Variants in RBFOX3 observed in about 807,000 individuals in gnomAD.
RBFOX3 encodes RNA binding fox-1 homolog 3.
A neutral mutation model predicts 48.7 loss-of-function variants in RBFOX3; 17 were observed. The ratio of observed to expected loss-of-function variants is 0.35; its 90% confidence interval spans 0.24 to 0.52. The LOEUF is 0.52. Among genes scored for constraint, RBFOX3 ranks in the 20% least tolerant of loss-of-function variants. The probability of loss-of-function intolerance (pLI) is 0.94; values close to 1 mark genes in which losing one functional copy is unlikely to be tolerated. For missense variants in RBFOX3, 382 were observed against 497.5 expected, an observed-to-expected ratio of 0.77 and a Z score of 2.21; for synonymous variants, 212 against 209.5, an observed-to-expected ratio of 1.01 and a Z score of -0.10.
intron 2 of RBFOX3, among the ~76,000 whole-genome samples, chr17:79,355,162 A>T (rs939814033): frequency 2.0e-5 from 3 of 152,142 alleles, no homozygotes; most frequent in Non-Finnish European, 4.4e-5. Flanking sequence ...AACATTTAAC[A>T]CGGGGTTCGG....
chr17:79,528,325 A>T (rs2087107198), intron 1 of RBFOX3, among the ~76,000 whole-genome samples: 1 of 145,348 alleles, frequency 6.9e-6, no homozygotes, highest in Admixed American at 6.6e-5. Flanking sequence ...TGAAACCCTG[A>T]GGTACCTCTG....
chr17:79,558,600 C>A (rs990974304), intron 1 of RBFOX3, among the ~76,000 whole-genome samples: 3 of 152,110 alleles, frequency 2.0e-5, no homozygotes, highest in African/African-American at 7.2e-5. Flanking sequence ...CCCTCCCGGC[C>A]GGGCTCCATG....
intron 5 of RBFOX3, among the ~76,000 whole-genome samples, chr17:79,112,918 G>GGGGGGGGGGGGGGGGC (rs2032478069): frequency 1.2e-5 from 1 of 86,484 alleles, no homozygotes; most frequent in Non-Finnish European, 2.3e-5. Context: ...GGGGGGGTGG[G>GGGGGGGGGGGGGGGGC]CTGGGTAGGA....
At chr17:79,365,618 AAT>A (rs1425767812) in intron 2 of RBFOX3, among the ~76,000 whole-genome samples, 1 of 152,224 alleles carries the variant, frequency 6.6e-6, no homozygotes, top group Non-Finnish European at 1.5e-5. Flanking sequence ...GCTTTAACGG[AAT>A]ATGTTTCCCA....
chr17:79,516,706 C>A (rs987576523), intron 1 of RBFOX3, among the ~76,000 whole-genome samples: 127 of 152,316 alleles, frequency 8.3e-4, no homozygotes, highest in Non-Finnish European at 4.9e-4. Context: ...GGGGCCTCCC[C>A]AGGTGTGCCC....
intron 2 of RBFOX3, among the ~76,000 whole-genome samples, chr17:79,333,089 GAC>G (rs2080651463): frequency 6.9e-6 from 1 of 145,838 alleles, no homozygotes; most frequent in African/African-American, 2.4e-5. Context: ...CAAAGAGACA[GAC>G]ACAGAGAAAA....
chr17:79,437,694 A>G (rs374351731), intron 2 of RBFOX3, among the ~76,000 whole-genome samples: 1 of 152,152 alleles, frequency 6.6e-6, no homozygotes, highest in South Asian at 2.1e-4. Flanking sequence ...CCCATTCCCA[A>G]ATGCCAGGCT....
At chr17:79,098,627 G>T (rs1434552419) in intron 9 of RBFOX3, 1 of 152,262 alleles carries the variant, frequency 6.6e-6, no homozygotes, top group Non-Finnish European at 1.5e-5. Context: ...GAACCCAGGA[G>T]CAGAGCAAAG....
chr17:79,589,100 T>C (rs2093343855), intron 1 of RBFOX3, among the ~76,000 whole-genome samples: 1 of 152,160 alleles, frequency 6.6e-6, no homozygotes, highest in African/African-American at 2.4e-5. Context: ...GGCATAGCAG[T>C]GCTCAAGGGT....
At chr17:79,614,031 G>C (rs1010354159), upstream of RBFOX3, among the ~76,000 whole-genome samples, 5 of 152,238 alleles carry the variant, frequency 3.3e-5, no homozygotes, top group African/African-American at 1.2e-4. Context: ...GAGAATAGGA[G>C]AAAAGAGAAC....
In RBFOX3 at chr17:79,584,998, C is replaced by T. The variant is rs955198580; in HGVS notation, c.-320+25828G>A. The stretch of plus-strand genomic sequence containing the variant: ...GCCAGGATGTTCTCGATCTCCTGAC[C>T]TCGTGATCCGCCCGCCTCAGCCTCC... On this transcript the variant is annotated intron_variant, in intron 1 of 14. Coordinates refer to ENST00000693108, the MANE Select transcript of RBFOX3 (RefSeq NM_001350451.2). Among the ~76,000 whole-genome samples, 797 of 152,064 alleles carry T rather than the reference C, an allele frequency of 5.2e-3. 4 individuals carry two copies. The highest frequency in any genetic ancestry group is 9.2e-3 in the Non-Finnish European group (625 of 68,000).
intron 1 of RBFOX3, among the ~76,000 whole-genome samples, chr17:79,547,682 C>T (rs2090633840): frequency 6.6e-6 from 1 of 152,182 alleles, no homozygotes; most frequent in Non-Finnish European, 1.5e-5. Flanking sequence ...ACAGCATGTA[C>T]CACACCCAGT....
At chr17:79,136,639 C>A (rs2040269877) in intron 4 of RBFOX3, among the ~76,000 whole-genome samples, 1 of 152,166 alleles carries the variant, frequency 6.6e-6, no homozygotes, top group African/African-American at 2.4e-5. Context: ...CGTAGCACTG[C>A]CAGAAGATGG....
At chr17:79,316,898 G>A (rs1389289818) in intron 2 of RBFOX3, among the ~76,000 whole-genome samples, 1 of 152,176 alleles carries the variant, frequency 6.6e-6, no homozygotes, top group African/African-American at 2.4e-5. Context: ...GGCAGCCCTA[G>A]CTTCCAACTG....
chr17:79,499,489 C>T (rs2082100055), intron 1 of RBFOX3, among the ~76,000 whole-genome samples: 2 of 152,232 alleles, frequency 1.3e-5, no homozygotes, highest in Admixed American at 6.5e-5. Flanking sequence ...TTCATTCATC[C>T]ACAAAGAAAC....
At chr17:79,437,336 G>A (rs576400675) in intron 2 of RBFOX3, among the ~76,000 whole-genome samples, 9 of 152,312 alleles carry the variant, frequency 5.9e-5, no homozygotes, top group African/African-American at 1.9e-4. Context: ...GGGTCCCCCT[G>A]CCCACCCGCT....
chr17:79,179,106 T>C (rs1008312165), intron 4 of RBFOX3, among the ~76,000 whole-genome samples: 4 of 152,154 alleles, frequency 2.6e-5, no homozygotes, highest in African/African-American at 7.2e-5. Context: ...AAACGCAAGG[T>C]GCAAGGGGTG....
At chr17:79,261,710 C>T (rs2065811451) in intron 3 of RBFOX3, among the ~76,000 whole-genome samples, 2 of 152,194 alleles carry the variant, frequency 1.3e-5, no homozygotes, top group Non-Finnish European at 2.9e-5. Context: ...GCGGCAGGAC[C>T]CTCCCTATCC....
intron 2 of RBFOX3, among the ~76,000 whole-genome samples, chr17:79,323,858 T>C (rs1401348200): frequency 3.3e-5 from 5 of 152,194 alleles, no homozygotes; most frequent in African/African-American, 1.2e-4. Context: ...TGGAGACCAA[T>C]TGTTTGGGCA....
Sources: gnomAD v4.1 joint callset for allele counts (sites outside exome capture counted in the v4.1 genomes callset) on GRCh38, gnomAD v4.1.1 for gene constraint, MANE v1.5 for transcripts, NCBI Gene and HGNC (gene_info 2026-07-23, HGNC 2026-07-21) for gene names.